The following LHFPL3 variants were observed in gnomAD, a reference collection of about 807,000 sequenced individuals.
LHFPL3 encodes the protein LHFPL tetraspan subfamily member 3, also known as LHFPL tetraspan subfamily member 3 protein.
A neutral mutation model predicts 19.3 loss-of-function variants in LHFPL3; 5 were observed. That is an observed-to-expected ratio of 0.26 (90% CI 0.14 to 0.54). The LOEUF (loss-of-function observed/expected upper bound fraction) is 0.54, where lower values mean the gene tolerates loss of function less well. LHFPL3 is among the 20% of genes least tolerant of loss of function. The pLI is 0.94. For synonymous variants in LHFPL3, 133 were observed against 126.2 expected (o/e 1.05, Z -0.36); for missense variants, 249 against 307.4 (o/e 0.81, Z 1.42).
At chr7:104,559,733 A>T (rs1045758881) in intron 1 of LHFPL3, among the ~76,000 whole-genome samples, 1 of 152,038 alleles carries the variant, frequency 6.6e-6, no homozygotes, top group Admixed American at 6.6e-5. Context: ...TAGGAGTGGT[A>T]AGAGAAGGCA....
Position 104,870,526 on chromosome 7 carries a change from A to G in LHFPL3, c.683-35661A>G, listed in dbSNP as rs574254102. On this transcript the variant is annotated intron_variant, in intron 2 of 2. Coordinates refer to ENST00000424859, the MANE Select transcript of LHFPL3 (RefSeq NM_199000.3). ...TTTGTCAGGGGTGAAATAAATGGCC[A>G]CTGCTAATTTCATCATGAGCAGGGT... Among the ~76,000 whole-genome samples the G allele has an allele frequency of 2.6e-5, 4 of 152,358 alleles. No individual in the cohort carries two copies. In the East Asian group the frequency reaches 7.7e-4, roughly 29 times the overall value.
chr7:104,606,985 A>T (rs531700683), intron 1 of LHFPL3, among the ~76,000 whole-genome samples: 1 of 152,320 alleles, frequency 6.6e-6, no homozygotes, highest in African/African-American at 2.4e-5. Flanking sequence ...TAGGTTCTAC[A>T]ATACTGATGT....
intron 1 of LHFPL3, among the ~76,000 whole-genome samples, chr7:104,580,564 T>C (rs2116019393): frequency 6.6e-6 from 1 of 152,256 alleles, no homozygotes; most frequent in African/African-American, 2.4e-5. Flanking sequence ...GAGTTCAATA[T>C]TTCATTATAA....
At chr7:104,437,147 C>T (rs1487597270) in intron 1 of LHFPL3, among the ~76,000 whole-genome samples, 1 of 152,188 alleles carries the variant, frequency 6.6e-6, no homozygotes, top group Non-Finnish European at 1.5e-5. Flanking sequence ...CAAAAAGTTG[C>T]AACATCTGTA....
intron 1 of LHFPL3, among the ~76,000 whole-genome samples, chr7:104,502,699 T>C (rs1000245713): frequency 2.0e-5 from 3 of 152,220 alleles, no homozygotes; most frequent in African/African-American, 7.2e-5. Context: ...CTAAGAAATG[T>C]GACTTGCCTA....
chr7:104,756,992 C>T (rs2116360317), intron 2 of LHFPL3, among the ~76,000 whole-genome samples: 1 of 152,098 alleles, frequency 6.6e-6, no homozygotes, highest in South Asian at 2.1e-4. Flanking sequence ...AGGCCTAGTA[C>T]CTAGAATGGT....
chr7:104,434,788 C>T (rs942222014), intron 1 of LHFPL3, among the ~76,000 whole-genome samples: 10 of 152,142 alleles, frequency 6.6e-5, no homozygotes, highest in East Asian at 1.9e-4. Flanking sequence ...GCAAGATAGC[C>T]GTGTGCTCAG....
intron 1 of LHFPL3, among the ~76,000 whole-genome samples, chr7:104,418,543 A>G (rs1791669101): frequency 6.6e-6 from 1 of 152,210 alleles, no homozygotes; most frequent in Admixed American, 6.5e-5. Context: ...AAAAACAAAC[A>G]AACAATTTAA....
chr7:104,616,683 C>T (rs1791349185), intron 1 of LHFPL3, among the ~76,000 whole-genome samples: 1 of 152,140 alleles, frequency 6.6e-6, no homozygotes, highest in East Asian at 1.9e-4. Context: ...AAGAAACTAT[C>T]ATCAGAGTGA....
intron 1 of LHFPL3, among the ~76,000 whole-genome samples, chr7:104,453,497 T>C (rs1444962514): frequency 1.3e-5 from 2 of 151,982 alleles, no homozygotes; most frequent in Non-Finnish European, 2.9e-5. Flanking sequence ...CATTCCTGGG[T>C]TGTAGAAAAT....
intron 1 of LHFPL3, among the ~76,000 whole-genome samples, chr7:104,620,153 G>T (rs1791418544): frequency 6.6e-6 from 1 of 152,066 alleles, no homozygotes; most frequent in African/African-American, 2.4e-5. Flanking sequence ...ATGTGATAAG[G>T]GTAAGAACAC....
At chr7:104,883,811 T>C (rs1371313681) in intron 2 of LHFPL3, among the ~76,000 whole-genome samples, 1 of 152,170 alleles carries the variant, frequency 6.6e-6, no homozygotes, top group African/African-American at 2.4e-5. Context: ...TCATTGCTTG[T>C]TCTTGCCTGG....
chr7:104,379,664 T>C (rs1355313501), intron 1 of LHFPL3, among the ~76,000 whole-genome samples: 2 of 152,152 alleles, frequency 1.3e-5, no homozygotes, highest in African/African-American at 4.8e-5. Context: ...TCAATGCTCC[T>C]AGGGCAAGAT....
At chr7:104,423,615 C>G (rs1267102238) in intron 1 of LHFPL3, among the ~76,000 whole-genome samples, 1 of 152,202 alleles carries the variant, frequency 6.6e-6, no homozygotes, top group Non-Finnish European at 1.5e-5. Context: ...GAGCCGTGAT[C>G]ATGCCACTGC....
intron 1 of LHFPL3, among the ~76,000 whole-genome samples, chr7:104,445,532 A>G (rs533307414): frequency 2.2e-4 from 33 of 152,156 alleles, no homozygotes; most frequent in Non-Finnish European, 3.5e-4. Flanking sequence ...TTTATCATCT[A>G]TTAATGTTCT....
chr7:104,631,945 A>G (rs938047259), intron 1 of LHFPL3, among the ~76,000 whole-genome samples: 2 of 152,202 alleles, frequency 1.3e-5, no homozygotes, highest in Non-Finnish European at 2.9e-5. Context: ...GGATTAAATA[A>G]GAAGGAGGTT....
At chr7:104,704,424 A>G (rs976138825) in intron 1 of LHFPL3, among the ~76,000 whole-genome samples, 1 of 152,160 alleles carries the variant, frequency 6.6e-6, no homozygotes, top group African/African-American at 2.4e-5. Context: ...AGTTTTAACC[A>G]TACATTTTAC....
intron 1 of LHFPL3, among the ~76,000 whole-genome samples, chr7:104,333,270 T>C (rs1801604727): frequency 6.6e-6 from 1 of 152,256 alleles, no homozygotes; most frequent in South Asian, 2.1e-4. Context: ...TTTAGTTTTC[T>C]TTTCTTTTTA....
At chr7:104,518,698 C>T (rs1793973608) in intron 1 of LHFPL3, among the ~76,000 whole-genome samples, 2 of 152,110 alleles carry the variant, frequency 1.3e-5, no homozygotes, top group African/African-American at 4.8e-5. Flanking sequence ...GCAGGAGAAT[C>T]ACTTGAACAT....
Sources: allele counts gnomAD v4.1 joint callset (sites outside exome capture counted in the v4.1 genomes callset), GRCh38; gene constraint gnomAD v4.1.1; transcripts MANE v1.5; gene names NCBI Gene and HGNC (gene_info 2026-07-23, HGNC 2026-07-21).